The following SGCD variants were observed in gnomAD, a reference collection of about 807,000 sequenced individuals.
The protein encoded by SGCD is delta-sarcoglycan.
SGCD carries 18 observed loss-of-function variants against 36.6 expected under a neutral mutation model. The observed-to-expected ratio is 0.49, with a 90% CI of 0.34 to 0.73. SGCD has a LOEUF of 0.73. SGCD is among the 30% of genes least tolerant of loss of function. SGCD has a pLI of 0.01. For synonymous variants in SGCD, 133 were observed against 130.6 expected (o/e 1.02, Z -0.12); for missense variants, 387 against 346.7 (o/e 1.12, Z -0.92).
intron 6 of SGCD, among the ~76,000 whole-genome samples, chr5:156,604,055 G>C (rs1408545621): frequency 1.3e-5 from 2 of 151,834 alleles, no homozygotes; most frequent in African/African-American, 4.8e-5. Context: ...AGTAATATTT[G>C]CTTTATATAT....
intron 1 of SGCD, among the ~76,000 whole-genome samples, chr5:156,079,187 C>G (rs994965307): frequency 6.6e-6 from 1 of 152,038 alleles, no homozygotes; most frequent in Non-Finnish European, 1.5e-5. Flanking sequence ...ACACACCTCT[C>G]TAAACAACCA....
chr5:156,583,769 G>A (rs1218388644), intron 4 of SGCD, among the ~76,000 whole-genome samples: 1 of 152,102 alleles, frequency 6.6e-6, no homozygotes, highest in Non-Finnish European at 1.5e-5. Context: ...TAGACAATAA[G>A]ACAGCCTACA....
chr5:155,871,882 T>A (rs1357538655), intron 1 of SGCD, among the ~76,000 whole-genome samples: 1 of 152,030 alleles, frequency 6.6e-6, no homozygotes, highest in African/African-American at 2.4e-5. Flanking sequence ...AAGAAATACA[T>A]CGTTAGATTT....
At chr5:156,120,337 A>T (rs1762008965) in intron 2 of SGCD, among the ~76,000 whole-genome samples, 1 of 152,188 alleles carries the variant, frequency 6.6e-6, no homozygotes, top group Non-Finnish European at 1.5e-5. Context: ...CTCTCTATCA[A>T]GCAGAAATTG....
At chr5:155,832,478 C>T in the SGCD span, among the ~76,000 whole-genome samples, 1 of 152,156 alleles carries the variant, frequency 6.6e-6, no homozygotes, top group Non-Finnish European at 1.5e-5. Flanking sequence ...TGGTCTTCTG[C>T]ATGGTTGGCT....
chr5:156,620,270 C>T (rs968295960), intron 6 of SGCD, among the ~76,000 whole-genome samples: 8 of 152,130 alleles, frequency 5.3e-5, no homozygotes, highest in African/African-American at 1.7e-4. Context: ...TATGTTAATG[C>T]CTGTTGTTTT....
intron 3 of SGCD, among the ~76,000 whole-genome samples, chr5:156,181,384 A>G (rs1486016742): frequency 6.6e-6 from 1 of 152,198 alleles, no homozygotes; most frequent in African/African-American, 2.4e-5. Flanking sequence ...TTAACATACT[A>G]ATTTTCAAAC....
rs1430107065 is a variant in SGCD at position 156,262,603 on chromosome 5, G to A, written c.-43-66931G>A. On this transcript the variant is annotated intron_variant, in intron 3 of 9. Coordinates refer to the SGCD transcript ENST00000517913. The stretch of plus-strand genomic sequence containing the variant: ...TTTGGTTACATGAGTAAGTTCTTTA[G>A]TGGTGATTTGTTAGATTTTGGTGCG... 5.3e-5 allele frequency among the ~76,000 whole-genome samples: 8 copies of A among 152,052 alleles called. No individual in the cohort carries two copies. The East Asian group carries it at 1.4e-3, about 26-fold the overall frequency.
chr5:156,672,432 G>A (rs918673141), intron 7 of SGCD, among the ~76,000 whole-genome samples: 1 of 152,076 alleles, frequency 6.6e-6, no homozygotes, highest in Non-Finnish European at 1.5e-5. Context: ...AAATCTTCCT[G>A]AGTGCAGCCC....
intron 3 of SGCD, among the ~76,000 whole-genome samples, chr5:156,298,571 CT>C (rs1401916913): frequency 2.5e-4 from 33 of 130,340 alleles, no homozygotes; most frequent in African/African-American, 9.7e-4. Context: ...GTCTTTTTTT[CT>C]TTTCTTTTTT....
At chr5:155,850,387 T>C in the SGCD span, among the ~76,000 whole-genome samples, 1 of 151,714 alleles carries the variant, frequency 6.6e-6, no homozygotes, top group Admixed American at 6.6e-5. Flanking sequence ...TTTTTTGCAG[T>C]GACCTCAAAA....
intron 3 of SGCD, among the ~76,000 whole-genome samples, chr5:156,181,040 A>T (rs1430775123): frequency 6.6e-6 from 1 of 152,228 alleles, no homozygotes; most frequent in Non-Finnish European, 1.5e-5. Flanking sequence ...TTAGTGAGAT[A>T]AAGAAATTCC....
the SGCD span, among the ~76,000 whole-genome samples, chr5:155,758,504 C>G: frequency 1.3e-5 from 2 of 152,204 alleles, no homozygotes; most frequent in African/African-American, 4.8e-5. Context: ...GGGTTATGGA[C>G]TGGTACCGGT....
At chr5:156,638,395 G>A (rs747745598) in intron 6 of SGCD, among the ~76,000 whole-genome samples, 1 of 152,172 alleles carries the variant, frequency 6.6e-6, no homozygotes, top group Non-Finnish European at 1.5e-5. Context: ...CTGGAGGGGA[G>A]ATATGGATGG....
At chr5:156,567,157 G>C (rs934909732) in intron 4 of SGCD, among the ~76,000 whole-genome samples, 3 of 152,066 alleles carry the variant, frequency 2.0e-5, no homozygotes, top group Non-Finnish European at 4.4e-5. Flanking sequence ...AACTCCCTCA[G>C]TTCTTCCCAT....
the SGCD span, among the ~76,000 whole-genome samples, chr5:155,768,480 A>G: frequency 6.6e-6 from 1 of 152,106 alleles, no homozygotes; most frequent in Non-Finnish European, 1.5e-5. Context: ...GGAAATGCGT[A>G]AATAAGTCAA....
intron 3 of SGCD, among the ~76,000 whole-genome samples, chr5:156,357,226 C>A (rs1348134267): frequency 6.6e-6 from 1 of 152,178 alleles, no homozygotes; most frequent in Non-Finnish European, 1.5e-5. Flanking sequence ...TTACTCCTCA[C>A]AATGACCCTG....
chr5:156,247,434 A>T (rs1765465743), intron 3 of SGCD, among the ~76,000 whole-genome samples: 2 of 152,214 alleles, frequency 1.3e-5, no homozygotes, highest in South Asian at 4.1e-4. Context: ...TGTCTACTAC[A>T]TAGAAATTAT....
At chr5:156,003,638 A>C (rs1336846313) in intron 1 of SGCD, among the ~76,000 whole-genome samples, 1 of 152,228 alleles carries the variant, frequency 6.6e-6, no homozygotes, top group East Asian at 1.9e-4. Flanking sequence ...ACCAGTCCTC[A>C]TTCCAAGTCT....
Sources: allele counts gnomAD v4.1 joint callset (sites outside exome capture counted in the v4.1 genomes callset), GRCh38; gene constraint gnomAD v4.1.1; transcripts MANE v1.5; gene names NCBI Gene and HGNC (gene_info 2026-07-23, HGNC 2026-07-21).